The following ST6GALNAC3 variants were observed in gnomAD, a reference collection of about 807,000 sequenced individuals.
The protein encoded by ST6GALNAC3 is ST6 N-acetylgalactosaminide alpha-2,6-sialyltransferase 3.
Under a neutral mutation model 32.7 loss-of-function variants are expected in ST6GALNAC3, and 25 were observed. The ratio of observed to expected loss-of-function variants is 0.76; its 90% CI spans 0.56 to 1.07. The LOEUF (loss-of-function observed/expected upper bound fraction) is 1.07, where lower values mean the gene tolerates loss of function less well. Among genes scored for constraint, ST6GALNAC3 ranks in the 50% least tolerant of loss-of-function variants. The probability of loss-of-function intolerance (pLI) is 0.00; values close to 1 mark genes in which losing one functional copy is unlikely to be tolerated. For missense variants in ST6GALNAC3, 355 were observed against 382.4 expected (o/e 0.93, Z 0.60); for synonymous variants, 129 against 133.1 (o/e 0.97, Z 0.21).
At chr1:76,180,708 A>C (rs1202568481) in intron 1 of ST6GALNAC3, among the ~76,000 whole-genome samples, 4 of 152,142 alleles carry the variant, frequency 2.6e-5, no homozygotes, top group Non-Finnish European at 5.9e-5. Context: ...TGTCAGCAGG[A>C]GTTTGTCTGG....
intron 1 of ST6GALNAC3, among the ~76,000 whole-genome samples, chr1:76,081,426 G>C (rs918915335): frequency 6.6e-6 from 1 of 152,112 alleles, no homozygotes; most frequent in African/African-American, 2.4e-5. Flanking sequence ...TTTACCTTCA[G>C]TGCCAATTTA....
chr1:76,519,378 G>T (rs1028180870), intron 3 of ST6GALNAC3, among the ~76,000 whole-genome samples: 8 of 152,074 alleles, frequency 5.3e-5, no homozygotes, highest in Non-Finnish European at 1.2e-4. Flanking sequence ...ATTTTCTGAT[G>T]AAGATAATGG....
chr1:76,617,338 A>G (rs1648361453), intron 3 of ST6GALNAC3, among the ~76,000 whole-genome samples: 1 of 152,146 alleles, frequency 6.6e-6, no homozygotes. Flanking sequence ...ATCTGTTTCA[A>G]TATATTCCAA....
intron 1 of ST6GALNAC3, among the ~76,000 whole-genome samples, chr1:76,168,057 A>C (rs186311408): frequency 6.6e-6 from 1 of 151,980 alleles, no homozygotes; most frequent in Admixed American, 6.6e-5. Flanking sequence ...TAGATTCTCT[A>C]GTTCTTTAGT....
chr1:76,621,200 A>G (rs1557633509), intron 3 of ST6GALNAC3, among the ~76,000 whole-genome samples: 1 of 151,966 alleles, frequency 6.6e-6, no homozygotes, highest in Non-Finnish European at 1.5e-5. Context: ...TATTTGTTAT[A>G]TTCACAGTCC....
At chr1:76,504,027 G>A (rs1419280365) in intron 3 of ST6GALNAC3, among the ~76,000 whole-genome samples, 3 of 152,126 alleles carry the variant, frequency 2.0e-5, no homozygotes, top group South Asian at 4.1e-4. Context: ...GCTGATATTT[G>A]TATTAGGTTC....
chr1:76,360,631 A>G (rs1649854240), intron 2 of ST6GALNAC3, among the ~76,000 whole-genome samples: 1 of 152,204 alleles, frequency 6.6e-6, no homozygotes, highest in African/African-American at 2.4e-5. Flanking sequence ...TAGCTAATCA[A>G]TATTCCAGTT....
intron 1 of ST6GALNAC3, among the ~76,000 whole-genome samples, chr1:76,201,295 C>T (rs927638155): frequency 6.6e-6 from 1 of 152,322 alleles, no homozygotes; most frequent in East Asian, 1.9e-4. Context: ...TCATGTCTTA[C>T]ATGGTGGCAG....
At chr1:76,297,260 G>C (rs895052475) in intron 1 of ST6GALNAC3, among the ~76,000 whole-genome samples, 1 of 151,992 alleles carries the variant, frequency 6.6e-6, no homozygotes, top group African/African-American at 2.4e-5. Context: ...TAATTTAAAA[G>C]TATCTCAATA....
At chr1:76,527,337 T>C (rs927956654) in intron 3 of ST6GALNAC3, among the ~76,000 whole-genome samples, 2 of 152,070 alleles carry the variant, frequency 1.3e-5, no homozygotes, top group Non-Finnish European at 2.9e-5. Flanking sequence ...GCATCAAGGT[T>C]GAAATGCCCA....
At chr1:76,130,366 A>G (rs1341349810) in intron 1 of ST6GALNAC3, among the ~76,000 whole-genome samples, 1 of 152,172 alleles carries the variant, frequency 6.6e-6, no homozygotes, top group Non-Finnish European at 1.5e-5. Context: ...GTTCTCTTCC[A>G]GTTTCAGGTA....
intron 3 of ST6GALNAC3, among the ~76,000 whole-genome samples, chr1:76,593,069 A>G (rs1418407620): frequency 6.6e-6 from 1 of 152,140 alleles, no homozygotes; most frequent in Non-Finnish European, 1.5e-5. Context: ...ATTTTTTCTA[A>G]ATAACTCCTT....
At chr1:76,604,262 C>T (rs191036064) in intron 3 of ST6GALNAC3, among the ~76,000 whole-genome samples, 4 of 152,218 alleles carry the variant, frequency 2.6e-5, no homozygotes, top group East Asian at 3.9e-4. Context: ...AAACACCAGA[C>T]GTTAAAGGTT....
intron 2 of ST6GALNAC3, among the ~76,000 whole-genome samples, chr1:76,326,698 T>C (rs139113815): frequency 9.3e-4 from 141 of 152,210 alleles, no homozygotes; most frequent in Middle Eastern, 3.4e-3. Context: ...TTTTCTTATC[T>C]TGAGTGCCAG....
At chr1:76,476,756 G>A (rs1047285237) in intron 3 of ST6GALNAC3, among the ~76,000 whole-genome samples, 1 of 152,138 alleles carries the variant, frequency 6.6e-6, no homozygotes, top group African/African-American at 2.4e-5. Flanking sequence ...ACCTTCAACT[G>A]AAAATTGTGC....
intron 1 of ST6GALNAC3, among the ~76,000 whole-genome samples, chr1:76,270,842 G>C (rs2100754895): frequency 6.6e-6 from 1 of 152,336 alleles, no homozygotes; most frequent in South Asian, 2.1e-4. Flanking sequence ...AAAAGCTGTT[G>C]TAAGCAGCTC....
At chr1:76,397,898 C>G (rs1557853384) in intron 2 of ST6GALNAC3, among the ~76,000 whole-genome samples, 3 of 152,076 alleles carry the variant, frequency 2.0e-5, no homozygotes, top group South Asian at 4.1e-4. Flanking sequence ...TAGTTTTTCT[C>G]TGGTTGCTGT....
rs951219426 is a variant in ST6GALNAC3 at position 76,169,122 on chromosome 1, T to G, written c.18+94238T>G. ...CTTTCCATATTTAGCGTTTCCTTCA[T>G]GAGCTGTTGTAAGGTAGGTCTGGTG... is the stretch of plus-strand genomic sequence containing the variant. On this transcript the variant is annotated intron_variant, in intron 1 of 4. Transcript: ENST00000328299. Among the ~76,000 whole-genome samples the G allele has an allele frequency of 1.2e-4, 19 of 152,186 alleles. 1 individual carries two copies. Among genetic ancestry groups the G allele is most frequent in the African/African-American group, 4.3e-4 (18 of 41,464 alleles).
intron 3 of ST6GALNAC3, among the ~76,000 whole-genome samples, chr1:76,599,388 A>G (rs1647184892): frequency 1.3e-5 from 2 of 152,072 alleles, no homozygotes; most frequent in South Asian, 2.1e-4. Context: ...CCATCCACCC[A>G]TTATCTAGGT....
Sources: allele counts gnomAD v4.1 joint callset (sites outside exome capture counted in the v4.1 genomes callset), GRCh38; gene constraint gnomAD v4.1.1; transcripts MANE v1.5; gene names NCBI Gene and HGNC (gene_info 2026-07-23, HGNC 2026-07-21).